KAZN: variants seen among roughly 807,000 people sequenced by gnomAD.
KAZN encodes kazrin, periplakin interacting protein, also known as kazrin.
A neutral mutation model predicts 87.4 loss-of-function variants in KAZN; 40 were observed. The observed-to-expected ratio is 0.46, with a 90% CI of 0.36 to 0.60. The LOEUF (loss-of-function observed/expected upper bound fraction) is 0.60. Ranked by LOEUF, KAZN falls within the 20% of genes least tolerant of loss-of-function variation. The pLI is 0.00. For missense variants in KAZN, 898 were observed against 1,073.9 expected (o/e 0.84, Z 2.29); for synonymous variants, 466 against 458.3 (o/e 1.02, Z -0.22).
chr1:14,644,631 G>A (rs1277377064), intron 1 of KAZN, among the ~76,000 whole-genome samples: 1 of 152,152 alleles, frequency 6.6e-6, no homozygotes, highest in Non-Finnish European at 1.5e-5. Context: ...AAAGTGCTGG[G>A]ATTACAAGTG....
intron 2 of KAZN, among the ~76,000 whole-genome samples, chr1:14,473,924 T>G (rs947884591): frequency 6.6e-6 from 1 of 152,230 alleles, no homozygotes; most frequent in Non-Finnish European, 1.5e-5. Context: ...AAGGCTTTCC[T>G]TGATCAGGTG....
At chr1:14,941,371 C>A (rs1661055131) in intron 1 of KAZN, among the ~76,000 whole-genome samples, 1 of 152,124 alleles carries the variant, frequency 6.6e-6, no homozygotes. Context: ...CACCTCTTGG[C>A]AAGAGGGTCC....
chr1:15,051,971 C>A (rs1277715353), intron 4 of KAZN, among the ~76,000 whole-genome samples: 1 of 152,184 alleles, frequency 6.6e-6, no homozygotes, highest in Non-Finnish European at 1.5e-5. Context: ...TTCCCAGGAG[C>A]TTGACGTTCC....
intron 1 of KAZN, among the ~76,000 whole-genome samples, chr1:14,704,026 C>G (rs373338647): frequency 3.3e-5 from 5 of 152,240 alleles, no homozygotes; most frequent in African/African-American, 1.2e-4. Flanking sequence ...GACTCACCCA[C>G]CCAGCGTCAG....
chr1:14,464,715 A>G (rs1668024277), intron 2 of KAZN, among the ~76,000 whole-genome samples: 1 of 151,560 alleles, frequency 6.6e-6, no homozygotes. Context: ...ATTTTTTTGT[A>G]TTTTTAGTAG....
At chr1:14,512,042 C>T (rs1475517188) in intron 2 of KAZN, among the ~76,000 whole-genome samples, 7 of 152,046 alleles carry the variant, frequency 4.6e-5, no homozygotes, top group Non-Finnish European at 2.9e-5. Context: ...GTGGAGGGCA[C>T]GCTGCTGTTT....
chr1:14,335,816 AAGTC>A (rs1657224055), intron 2 of KAZN, among the ~76,000 whole-genome samples: 1 of 152,056 alleles, frequency 6.6e-6, no homozygotes, highest in South Asian at 2.1e-4. Context: ...GAAGGACAGA[AAGTC>A]AGAGAAACAG....
intron 1 of KAZN, among the ~76,000 whole-genome samples, chr1:14,117,221 G>A (rs1471715702): frequency 2.6e-5 from 4 of 152,160 alleles, no homozygotes; most frequent in Non-Finnish European, 5.9e-5. Flanking sequence ...ATATGGTTTG[G>A]CTGTGTCCCC....
At chr1:14,661,617 G>A (rs1054379169) in intron 1 of KAZN, among the ~76,000 whole-genome samples, 1 of 141,614 alleles carries the variant, frequency 7.1e-6, no homozygotes. Flanking sequence ...TTTCTGGCCA[G>A]GCTCTAGCTC....
intron 2 of KAZN, among the ~76,000 whole-genome samples, chr1:14,298,876 C>T (rs1361134417): frequency 6.6e-6 from 1 of 152,200 alleles, no homozygotes. Flanking sequence ...ATTTTCCCTA[C>T]CTACACTACA....
chr1:14,176,837 A>G (rs1646088091), intron 1 of KAZN, among the ~76,000 whole-genome samples: 1 of 152,194 alleles, frequency 6.6e-6, no homozygotes, highest in Non-Finnish European at 1.5e-5. Flanking sequence ...GTCTACCTTC[A>G]AATAACATTA....
chr1:13,897,222 A>G (rs1252330399), intron 1 of KAZN, among the ~76,000 whole-genome samples: 2 of 152,052 alleles, frequency 1.3e-5, no homozygotes, highest in African/African-American at 4.8e-5. Context: ...CATGAGTGAA[A>G]CCATGCGAAC....
chr1:14,260,599 C>A (rs1156706825), intron 2 of KAZN, among the ~76,000 whole-genome samples: 3 of 152,128 alleles, frequency 2.0e-5, no homozygotes, highest in Non-Finnish European at 2.9e-5. Flanking sequence ...ACAGCCTGAG[C>A]CTGGAAATAG....
intron 2 of KAZN, among the ~76,000 whole-genome samples, chr1:14,387,678 T>A (rs996523719): frequency 6.6e-6 from 1 of 152,028 alleles, no homozygotes; most frequent in Non-Finnish European, 1.5e-5. Flanking sequence ...CGTTCTCAGA[T>A]CTCCAGCTGC....
intron 1 of KAZN, among the ~76,000 whole-genome samples, chr1:13,999,721 A>G (rs987037847): frequency 6.6e-6 from 1 of 152,218 alleles, no homozygotes; most frequent in African/African-American, 2.4e-5. Flanking sequence ...ATTGAAGGAG[A>G]TAGAGACATG....
chr1:14,695,510 C>CTTTTTTTTTTTTTTTTTTTATT (rs112667110), intron 1 of KAZN, among the ~76,000 whole-genome samples: 1 of 85,048 alleles, frequency 1.2e-5, no homozygotes, highest in African/African-American at 3.6e-5. Context: ...TACATTCCAT[C>CTTTTTTTTTTTTTTTTTTTATT]TTTTTTTTTT....
At chr1:13,982,396 G>A (rs551713737) in intron 1 of KAZN, among the ~76,000 whole-genome samples, 2 of 152,336 alleles carry the variant, frequency 1.3e-5, no homozygotes, top group African/African-American at 4.8e-5. Context: ...TGGTGGGTTC[G>A]TGGTCTAGCT....
At chr1:14,654,287 C>CAAAAAAAAA (rs140822403) in intron 1 of KAZN, among the ~76,000 whole-genome samples, 26 of 80,326 alleles carry the variant, frequency 3.2e-4, no homozygotes, top group East Asian at 1.1e-3. Flanking sequence ...GGCTTCGTCT[C>CAAAAAAAAA]AAAAAAAAAA....
chr1:14,043,483 A>G (rs1436260054), intron 1 of KAZN, among the ~76,000 whole-genome samples: 1 of 152,152 alleles, frequency 6.6e-6, no homozygotes, highest in African/African-American at 2.4e-5. Context: ...TGGTAATTCA[A>G]TTTTTATTTT....
Sources: gnomAD v4.1 joint callset for allele counts (sites outside exome capture counted in the v4.1 genomes callset) on GRCh38, gnomAD v4.1.1 for gene constraint, MANE v1.5 for transcripts, NCBI Gene and HGNC (gene_info 2026-07-23, HGNC 2026-07-21) for gene names.